Variants in KCTD16 observed in about 807,000 individuals in gnomAD.
KCTD16 encodes the protein potassium channel tetramerization domain containing 16.
KCTD16 carries 13 observed loss-of-function variants against 33.2 expected under a neutral mutation model. That is an observed-to-expected ratio of 0.39 (90% CI 0.25 to 0.62). KCTD16 has a LOEUF of 0.62. Ranked by LOEUF, KCTD16 falls within the 20% of genes least tolerant of loss-of-function variation. The pLI is 0.50. For missense variants in KCTD16, 441 were observed against 525.1 expected, an observed-to-expected ratio of 0.84 and a Z score of 1.57; for synonymous variants, 197 against 195.3, an observed-to-expected ratio of 1.01 and a Z score of -0.07.
chr5:144,349,473 G>A (rs1203117097), intron 3 of KCTD16, among the ~76,000 whole-genome samples: 1 of 152,194 alleles, frequency 6.6e-6, no homozygotes, highest in Non-Finnish European at 1.5e-5. Flanking sequence ...GCTATACAGT[G>A]TAGGAATATC....
Position 144,474,157 on chromosome 5 carries a change from A to G in KCTD16, c.*43A>G, listed in dbSNP as rs771442065. On this transcript the variant is annotated 3_prime_UTR_variant, in exon 4 of 4. Coordinates refer to ENST00000512467, the MANE Select transcript of KCTD16 (RefSeq NM_020768.4). Reference sequence around the variant, plus strand: ...GAAAAGAAAAAAAAAAGTCATTTTGAAATTAACCTCCTAAAAGGAATTCAT... The same window carrying G: ...GAAAAGAAAAAAAAAAGTCATTTTGGAATTAACCTCCTAAAAGGAATTCAT... 7.0e-7 allele frequency: 1 copy of G among 1,428,494 alleles called. No homozygotes were observed. The highest frequency in any genetic ancestry group is 9.5e-7 in the Non-Finnish European group (1 of 1,047,276). The allele number at this position is 1,428,494 out of a possible 1,614,324, so 88.5% of individuals were successfully genotyped here.
chr5:144,332,595 C>T (rs915154161), intron 3 of KCTD16, among the ~76,000 whole-genome samples: 4 of 152,098 alleles, frequency 2.6e-5, no homozygotes, highest in Admixed American at 2.6e-4. Context: ...CTGACAAGAC[C>T]CTGAACTTCT....
intron 3 of KCTD16, among the ~76,000 whole-genome samples, chr5:144,236,498 C>A (rs990484632): frequency 4.6e-5 from 7 of 152,004 alleles, no homozygotes; most frequent in African/African-American, 1.7e-4. Context: ...TTAATTATAC[C>A]TACTAAAAAT....
In KCTD16 at chr5:144,482,440, T is replaced by C. The variant is rs184474524; in HGVS notation, c.*8326T>C. ...GCTTGCTGTGCTGCACACAGGTCAC[T>C]AGGGCAAGCTTCAGGAGAAGTAAAA... is the stretch of plus-strand genomic sequence containing the variant. On this transcript the variant is annotated 3_prime_UTR_variant, in exon 4 of 4. Coordinates refer to ENST00000512467, the MANE Select transcript of KCTD16 (RefSeq NM_020768.4). The C allele has an allele frequency of 1.3e-5, 2 of 152,010 alleles. No homozygotes were observed. Among genetic ancestry groups the C allele is most frequent in the Non-Finnish European group, 2.9e-5 (2 of 67,914 alleles). The allele number at this position is 152,010 out of a possible 1,614,324, so 9.4% of individuals were successfully genotyped here.
At chr5:144,455,353 T>A (rs1201922332) in intron 3 of KCTD16, among the ~76,000 whole-genome samples, 2 of 152,082 alleles carry the variant, frequency 1.3e-5, no homozygotes, top group Non-Finnish European at 2.9e-5. Flanking sequence ...TCCAGCATCA[T>A]ATGACGAAGC....
At chr5:144,416,547 G>T (rs1753058448) in intron 3 of KCTD16, among the ~76,000 whole-genome samples, 1 of 152,172 alleles carries the variant, frequency 6.6e-6, no homozygotes, top group Admixed American at 6.5e-5. Flanking sequence ...CCAAGTCATT[G>T]TCCCTCCACT....
At chr5:144,344,650 A>G (rs1471667865) in intron 3 of KCTD16, among the ~76,000 whole-genome samples, 8 of 151,592 alleles carry the variant, frequency 5.3e-5, no homozygotes, top group African/African-American at 1.2e-4. Flanking sequence ...CAAAACCACA[A>G]TGAAATACCA....
At chr5:144,338,527 C>A (rs1752546456) in intron 3 of KCTD16, among the ~76,000 whole-genome samples, 1 of 152,102 alleles carries the variant, frequency 6.6e-6, no homozygotes, top group Non-Finnish European at 1.5e-5. Flanking sequence ...AAAAGGAGGG[C>A]AGGGGTGATT....
chr5:144,270,419 A>T (rs373611960), intron 3 of KCTD16, among the ~76,000 whole-genome samples: 96 of 152,076 alleles, frequency 6.3e-4, no homozygotes, highest in African/African-American at 2.0e-3. Context: ...TTGTGGAAAC[A>T]TACAAGCAAT....
At chr5:144,174,603 G>A (rs1369054739) in intron 2 of KCTD16, 131 bp downstream of exon 2, 1 of 152,052 alleles carries the variant, frequency 6.6e-6, no homozygotes, top group Admixed American at 6.5e-5. Flanking sequence ...CAAGTCTCCT[G>A]TACTAGGTTA....
intron 3 of KCTD16, among the ~76,000 whole-genome samples, chr5:144,382,017 TATACATAC>T (rs111382461): frequency 1.1e-4 from 16 of 149,872 alleles, no homozygotes; most frequent in Admixed American, 2.0e-4. Flanking sequence ...AAGATGTTTA[TATACATAC>T]ATACATACAT....
At position 144,383,589 on chromosome 5, in the gene KCTD16, A is replaced by T. The variant is rs145444274; in HGVS notation, c.833-90071A>T. ...ATTCTAAAGTAATTAGAATGATTAC[A>T]GCAGCTGAAAACATTGCTTTCCTAA... is the stretch of plus-strand genomic sequence containing the variant. On this transcript the variant is annotated intron_variant, in intron 3 of 3. Transcript: ENST00000512467. 2.6e-3 allele frequency among the ~76,000 whole-genome samples: 392 copies of T among 151,770 alleles called. 1 individual carries two copies. Among genetic ancestry groups the T allele is most frequent in the Non-Finnish European group, 3.1e-3 (210 of 67,924 alleles).
chr5:144,408,482 C>A (rs528413415), intron 3 of KCTD16, among the ~76,000 whole-genome samples: 1 of 152,292 alleles, frequency 6.6e-6, no homozygotes, highest in African/African-American at 2.4e-5. Context: ...AACTATAAAA[C>A]CTTCTTGTTT....
chr5:144,323,178 C>A lies in KCTD16; in HGVS notation c.832+115632C>A, dbSNP rs377055283. On this transcript the variant is annotated intron_variant, in intron 3 of 3. Coordinates refer to ENST00000512467, the MANE Select transcript of KCTD16 (RefSeq NM_020768.4). ...GATAGTGTGAAATAGATTGAAAAAT[C>A]AATGGATTAGCATCCATAACCTCAA... Among the ~76,000 whole-genome samples, 19 of 152,258 alleles carry A rather than the reference C, an allele frequency of 1.2e-4. No individual in the cohort carries two copies. The East Asian group carries it at 3.5e-3, about 28-fold the overall frequency.
intron 3 of KCTD16, among the ~76,000 whole-genome samples, chr5:144,260,520 G>T (rs1025243027): frequency 1.8e-4 from 27 of 152,190 alleles, no homozygotes; most frequent in Admixed American, 1.8e-3. Flanking sequence ...AGGAGCTTCA[G>T]TCCTCTTCAA....
rs1754683637 is a variant in KCTD16, at chr5:144,480,472, T to C, written c.*6358T>C. On this transcript the variant is annotated 3_prime_UTR_variant, in exon 4 of 4. Transcript: ENST00000512467. ...GTATTTTTGAAAGCTAAGATAGACA[T>C]AGAATACATATTAATCATCAGTAGT... is the stretch of plus-strand genomic sequence containing the variant. 1.3e-5 allele frequency: 2 copies of C among 152,030 alleles called. No individual in the cohort carries two copies. The highest frequency in any genetic ancestry group is 6.6e-5 in the Admixed American group (1 of 15,230). 9.4% of individuals were successfully genotyped at this position (152,030 alleles called of 1,614,324 possible).
chr5:144,455,439 T>C (rs184202994), intron 3 of KCTD16, among the ~76,000 whole-genome samples: 1 of 152,198 alleles, frequency 6.6e-6, no homozygotes, highest in East Asian at 1.9e-4. Flanking sequence ...GAATATCACA[T>C]TGGCAGATAA....
intron 3 of KCTD16, among the ~76,000 whole-genome samples, chr5:144,268,271 C>A (rs891766715): frequency 6.6e-6 from 1 of 152,186 alleles, no homozygotes; most frequent in Admixed American, 6.5e-5. Context: ...CTGATTCCTG[C>A]TTCTGGCCAC....
intron 3 of KCTD16, among the ~76,000 whole-genome samples, chr5:144,364,366 G>A (rs1751785240): frequency 6.6e-6 from 1 of 152,166 alleles, no homozygotes; most frequent in African/African-American, 2.4e-5. Flanking sequence ...CTCTACCTCA[G>A]TGAGTGTACT....
Sources: gnomAD v4.1 joint callset for allele counts (sites outside exome capture counted in the v4.1 genomes callset) on GRCh38, gnomAD v4.1.1 for gene constraint, MANE v1.5 for transcripts, NCBI Gene and HGNC (gene_info 2026-07-23, HGNC 2026-07-21) for gene names.